OXCT1: variants seen among roughly 807,000 people sequenced by gnomAD.
The protein encoded by OXCT1 is succinyl-CoA:3-ketoacid coenzyme A transferase 1, mitochondrial.
Under a neutral mutation model 69.6 loss-of-function variants are expected in OXCT1, and 27 were observed. The ratio of observed to expected loss-of-function variants is 0.39; its 90% CI spans 0.29 to 0.54. The LOEUF is 0.54. OXCT1 is among the 20% of genes least tolerant of loss of function. The pLI, the probability that OXCT1 is intolerant of heterozygous loss-of-function variation, is 0.72. For synonymous variants in OXCT1, 202 were observed against 217.8 expected (o/e 0.93, Z 0.64); for missense variants, 437 against 650.2 (o/e 0.67, Z 3.57).
chr5:41,823,865 C>G (rs1747681365), intron 7 of OXCT1, among the ~76,000 whole-genome samples: 1 of 152,102 alleles, frequency 6.6e-6, no homozygotes, highest in South Asian at 2.1e-4. Context: ...CATTTTACAG[C>G]TTTTAGGAGA....
chr5:41,862,915 T>C (rs546880751), intron 1 of OXCT1, among the ~76,000 whole-genome samples, 165 bp from the exon 2 acceptor site: 1 of 152,328 alleles, frequency 6.6e-6, no homozygotes, highest in African/African-American at 2.4e-5. Flanking sequence ...TATATATTTA[T>C]ACAGGTAATA....
In OXCT1 at chr5:41,823,754, C is replaced by A. The variant is rs1369771652; in HGVS notation, c.733-16316G>T. ...TTACCAGTAGTTACTATATAGAATC[C>A]TAAAGTTTCTATCTTGAATTCAAAC... On this transcript the variant is annotated intron_variant, in intron 7 of 16. Transcript: ENST00000196371. Among the ~76,000 whole-genome samples, 5 of 152,122 alleles carry A rather than the reference C, an allele frequency of 3.3e-5. No individual in the cohort carries two copies. The East Asian group carries it at 7.7e-4, about 23-fold the overall frequency.
At chr5:41,836,380 TG>T (rs1360627417) in intron 7 of OXCT1, among the ~76,000 whole-genome samples, 1 of 152,192 alleles carries the variant, frequency 6.6e-6, no homozygotes, top group African/African-American at 2.4e-5. Flanking sequence ...CACAACTTTG[TG>T]GGGAAGCATG....
At chr5:41,847,307 C>A (rs1374467621) in intron 5 of OXCT1, among the ~76,000 whole-genome samples, 2 of 152,022 alleles carry the variant, frequency 1.3e-5, no homozygotes, top group African/African-American at 4.8e-5. Context: ...CAACCAAAAA[C>A]AGTCCAGGAC....
chr5:41,832,635 CAATCTAGGG>C (rs1170403306), intron 7 of OXCT1, among the ~76,000 whole-genome samples: 4 of 152,034 alleles, frequency 2.6e-5, no homozygotes, highest in Non-Finnish European at 4.4e-5. Flanking sequence ...GGCCTTGAGA[CAATCTAGGG>C]AAGCATGACC....
chr5:41,774,580 G>A (rs553438260), intron 13 of OXCT1, among the ~76,000 whole-genome samples: 1 of 152,260 alleles, frequency 6.6e-6, no homozygotes, highest in East Asian at 1.9e-4. Context: ...CAATGGCTAT[G>A]GCTGGAACAA....
chr5:41,840,503 G>A lies in OXCT1; in HGVS notation c.680C>T (p.Ala227Val). ...GCACATTGGCAAGTTGAAATTCCTT[G>A]CACTTTTCCTACAGGGGTGGAGGAG... ...RAGNVIFRKS[A>V]RNFNLPMCKA... The change falls in exon 7 of 17, where the codon GCA becomes GTA. Residue 227 changes from alanine (A) to valine (V), a missense_variant. By Grantham distance (64) the Ala-to-Val change is moderately conservative. Around this residue, in one of 4 missense-constraint regions of OXCT1, gnomAD observed 252 missense variants for 397.4 expected, o/e 0.63. Transcript: ENST00000196371. The A allele has an allele frequency of 6.2e-7, 1 of 1,612,348 alleles. No individual in the cohort carries two copies. The highest frequency in any genetic ancestry group is 8.5e-7 in the Non-Finnish European group (1 of 1,178,630).
At chr5:41,856,311 C>A (rs1749426853) in intron 3 of OXCT1, among the ~76,000 whole-genome samples, 1 of 152,032 alleles carries the variant, frequency 6.6e-6, no homozygotes, top group South Asian at 2.1e-4. Context: ...AGCTGCAGAC[C>A]CACTCCAGAA....
At chr5:41,793,968 C>T (rs1455952607) in intron 13 of OXCT1, 35 bp downstream of exon 13, 3 of 1,233,628 alleles carry the variant, frequency 2.4e-6, no homozygotes, top group Non-Finnish European at 3.6e-6. Context: ...TTATTCTGAT[C>T]CAAACATAAT....
intron 4 of OXCT1, 55 bp from the exon 5 acceptor site, chr5:41,850,234 G>T: frequency 1.3e-6 from 2 of 1,596,310 alleles, no homozygotes; most frequent in South Asian, 1.1e-5. Flanking sequence ...TCTCTATGTG[G>T]ACACAAACAT....
rs376437637 is a variant in OXCT1, at chr5:41,807,413, G to A, written c.758C>T (p.Ala253Val). ...VEVEEIVDIG[A>V]FAPEDIHIPQ... ...AATATGGATGTCTTCTGGAGCAAATGCTCCAATATCCACAATTTCTTCAAC... is the reference window on the plus strand; with the variant it reads ...AATATGGATGTCTTCTGGAGCAAATACTCCAATATCCACAATTTCTTCAAC... The change falls in exon 8 of 17, where the codon GCA (alanine) becomes GTA (valine). Residue 253 changes from alanine (A) to valine (V), a missense_variant. Physicochemically the swap from Ala to Val is moderately conservative, Grantham distance 64 (BLOSUM62 0). Coordinates refer to ENST00000196371, the MANE Select transcript of OXCT1 (RefSeq NM_000436.4). 10 of 1,602,082 alleles carry A rather than the reference G, an allele frequency of 6.2e-6. No homozygotes were observed. Among genetic ancestry groups the A allele is most frequent in the Non-Finnish European group, 8.5e-6 (10 of 1,169,794 alleles).
chr5:41,833,073 A>T (rs1040217046), intron 7 of OXCT1, among the ~76,000 whole-genome samples: 4 of 152,188 alleles, frequency 2.6e-5, no homozygotes, highest in African/African-American at 9.7e-5. Flanking sequence ...AGAGAAAGAG[A>T]TAGGAGTAGA....
At chr5:41,789,248 C>A (rs995795242) in intron 13 of OXCT1, among the ~76,000 whole-genome samples, 2 of 152,124 alleles carry the variant, frequency 1.3e-5, no homozygotes, top group African/African-American at 4.8e-5. Flanking sequence ...ATAAACAATA[C>A]GTAAATGAGT....
At chr5:41,734,977 C>T (rs559381090) in intron 16 of OXCT1, among the ~76,000 whole-genome samples, 24 of 152,266 alleles carry the variant, frequency 1.6e-4, no homozygotes, top group African/African-American at 5.8e-4. Context: ...GAAATTAGAA[C>T]CCCTGTGCAC....
chr5:41,776,653 C>T lies in OXCT1; in HGVS notation c.1249-14453G>A, dbSNP rs541900900. Among the ~76,000 whole-genome samples, 8 of 152,296 alleles carry T rather than the reference C, an allele frequency of 5.3e-5. 1 individual carries two copies. The highest frequency in any genetic ancestry group is 1.9e-4 in the African/African-American group (8 of 41,576). On this transcript the variant is annotated intron_variant, in intron 13 of 16. Coordinates refer to ENST00000196371, the MANE Select transcript of OXCT1 (RefSeq NM_000436.4). ...GATTTACTTTCTTGTAGTAACTGAA[C>T]TTTATTTCTTTGCAGAATCCAACAT...
rs75463042 is a variant in OXCT1 at position 41,849,946 on chromosome 5, T to C, written c.564+84A>G. 2,375 of 1,366,260 alleles carry C rather than the reference T, an allele frequency of 1.7e-3. 6 individuals carry two copies. Among genetic ancestry groups the C allele is most frequent in the African/African-American group, 0.013 (896 of 70,046 alleles). 84.6% of individuals were successfully genotyped at this position (1,366,260 alleles called of 1,614,324 possible). A position where few individuals can be genotyped will look rare whatever the true frequency, so the allele number is the denominator to read the frequency against. On this transcript the variant is annotated intron_variant, in intron 5 of 16. Coordinates refer to ENST00000196371, the MANE Select transcript of OXCT1 (RefSeq NM_000436.4). ...TGCTTTTTCTCACATAGAGGTGATT[T>C]TATACTTATTTGCCCAATGATCCAC...
intron 13 of OXCT1, among the ~76,000 whole-genome samples, chr5:41,764,200 T>C (rs13162040): frequency 0.18 from 27,744 of 152,084 alleles, 2,754 homozygotes; most frequent in Middle Eastern, 0.29. Context: ...TGCACAAGAT[T>C]AGATGCAGAA....
intron 7 of OXCT1, among the ~76,000 whole-genome samples, chr5:41,837,522 T>C (rs1357923493): frequency 6.7e-6 from 1 of 148,536 alleles, no homozygotes; most frequent in Non-Finnish European, 1.5e-5. Flanking sequence ...CACAGGATGA[T>C]GCCTTTCTCA....
intron 7 of OXCT1, among the ~76,000 whole-genome samples, chr5:41,836,790 G>C (rs892785893): frequency 6.6e-6 from 1 of 152,124 alleles, no homozygotes; most frequent in African/African-American, 2.4e-5. Flanking sequence ...CTCCCACTGT[G>C]CGGCCCAGTT....
Sources: allele counts gnomAD v4.1 joint callset (sites outside exome capture counted in the v4.1 genomes callset), GRCh38; gene constraint gnomAD v4.1.1; regional missense constraint gnomAD v4.1.1; transcripts MANE v1.5; gene names NCBI Gene and HGNC (gene_info 2026-07-23, HGNC 2026-07-21).